STPG2: variants seen among roughly 807,000 people sequenced by gnomAD.
The protein encoded by STPG2 is sperm-tail PG-rich repeat-containing protein 2.
STPG2 carries 56 observed loss-of-function variants against 54.2 expected under a neutral mutation model. The ratio of observed to expected loss-of-function variants is 1.03; its 90% CI spans 0.83 to 1.29. The LOEUF is 1.29. Ranked by LOEUF, STPG2 falls within the 50% of genes most tolerant of loss-of-function variation. The probability of loss-of-function intolerance (pLI) is 0.00; values close to 1 mark genes in which losing one functional copy is unlikely to be tolerated. For missense variants in STPG2, 596 were observed against 544.9 expected (o/e 1.09, Z -0.93); for synonymous variants, 200 against 181.8 (o/e 1.10, Z -0.81).
chr4:98,004,834 G>A (rs1735526055), intron 5 of STPG2, among the ~76,000 whole-genome samples: 1 of 151,840 alleles, frequency 6.6e-6, no homozygotes, highest in Non-Finnish European at 1.5e-5. Context: ...TAAAAATCAG[G>A]TTATTTGTTT....
At chr4:97,938,085 G>C (rs892851698) in intron 8 of STPG2, among the ~76,000 whole-genome samples, 2 of 152,148 alleles carry the variant, frequency 1.3e-5, no homozygotes, top group African/African-American at 4.8e-5. Flanking sequence ...CCCCCGGCTG[G>C]AGTTGCTGGA....
intron 4 of STPG2, among the ~76,000 whole-genome samples, chr4:97,549,585 G>A (rs1731920057): frequency 6.6e-6 from 1 of 152,144 alleles, no homozygotes; most frequent in African/African-American, 2.4e-5. Context: ...TGGAAAAAGG[G>A]TCTTTGCAGG....
rs186929421 is a variant in STPG2 at position 97,529,303 on chromosome 4, G to T, written c.462+183396C>A. Among the ~76,000 whole-genome samples, 634 of 152,280 alleles carry T rather than the reference G, an allele frequency of 4.2e-3. 3 individuals are homozygous for T. Among genetic ancestry groups the T allele is most frequent in the South Asian group, 0.02 (98 of 4,830 alleles). ...TTACATTTATTAATTTGCGTATGTT[G>T]AACCAGCCTTGCATCCCAGGGATGA... On this transcript the variant is annotated intron_variant, in intron 4 of 4. Coordinates refer to the STPG2 transcript ENST00000522676.
In STPG2 at chr4:98,008,609, G is replaced by A. The variant is rs139624085; in HGVS notation, c.613-27291C>T. 3.8e-3 allele frequency among the ~76,000 whole-genome samples: 559 copies of A among 148,146 alleles called. 8 individuals carry two copies. The highest frequency in any genetic ancestry group is 5.3e-3 in the Non-Finnish European group (355 of 66,964). The stretch of plus-strand genomic sequence containing the variant: ...TATAAAACACTAGACAAAGGAGAAA[G>A]ATAAAGAAATAAAATTATAACATGA... On this transcript the variant is annotated intron_variant, in intron 5 of 10. Transcript: ENST00000295268.
chr4:97,601,625 C>T (rs1733464911), intron 10 of STPG2, among the ~76,000 whole-genome samples: 1 of 151,802 alleles, frequency 6.6e-6, no homozygotes. Flanking sequence ...GGAAGGGCTC[C>T]ATGTCCCTGT....
intron 5 of STPG2, among the ~76,000 whole-genome samples, chr4:98,040,062 C>G (rs1736900704): frequency 6.6e-6 from 1 of 151,810 alleles, no homozygotes; most frequent in Admixed American, 6.6e-5. Context: ...ATTTGCATTT[C>G]TCTGATGATT....
At position 97,771,707 on chromosome 4, in the gene STPG2, C is replaced by T. The variant is rs527449206; in HGVS notation, c.1205-58893G>A. Among the ~76,000 whole-genome samples the T allele has an allele frequency of 1.3e-3, 197 of 152,304 alleles. 1 individual carries two copies. Among genetic ancestry groups the T allele is most frequent in the Middle Eastern group, 6.8e-3 (2 of 292 alleles). On this transcript the variant is annotated intron_variant, in intron 9 of 10. Transcript: ENST00000295268. ...AGGGAATGGGGAGCTGGGGCACAGA[C>T]TAATGACAGCTAGTGGGGCTAGACA...
chr4:97,764,775 A>T (rs1725989910), intron 9 of STPG2, among the ~76,000 whole-genome samples: 1 of 152,130 alleles, frequency 6.6e-6, no homozygotes, highest in Non-Finnish European at 1.5e-5. Flanking sequence ...CAAGAGAAAG[A>T]GTATGTTATT....
chr4:98,065,905 C>T (rs1038066876), intron 5 of STPG2, among the ~76,000 whole-genome samples: 14 of 152,104 alleles, frequency 9.2e-5, no homozygotes, highest in African/African-American at 3.4e-4. Flanking sequence ...TCTTGATACA[C>T]CTACCTAGAG....
chr4:97,887,050 C>A (rs533581063), intron 8 of STPG2, among the ~76,000 whole-genome samples: 1 of 152,156 alleles, frequency 6.6e-6, no homozygotes, highest in Non-Finnish European at 1.5e-5. Context: ...GATTCCTGTA[C>A]AGCCTGTGGA....
intron 5 of STPG2, among the ~76,000 whole-genome samples, chr4:98,021,864 T>C (rs182862782): frequency 6.6e-6 from 1 of 152,160 alleles, no homozygotes; most frequent in South Asian, 2.1e-4. Flanking sequence ...GTTTTCCATT[T>C]GCTTGGTAGA....
intron 7 of STPG2, among the ~76,000 whole-genome samples, chr4:97,950,034 C>T (rs976638189): frequency 6.6e-6 from 1 of 152,092 alleles, no homozygotes. Context: ...AAAACCTCCA[C>T]TGCATTTTGT....
In STPG2 at chr4:97,566,242, G is replaced by A. The variant is rs7693052; in HGVS notation, c.1321-7125C>T. Among the ~76,000 whole-genome samples, 151 of 152,242 alleles carry A rather than the reference G, an allele frequency of 9.9e-4. 1 individual carries two copies. Among genetic ancestry groups the A allele is most frequent in the African/African-American group, 3.5e-3 (144 of 41,528 alleles). ...CATGGGCATAGGACCCTCCGAGCCT[G>A]GTGCGGGATATAATCTCCTGGTGCA... On this transcript the variant is annotated intron_variant, in intron 10 of 10. Coordinates refer to ENST00000295268, the MANE Select transcript of STPG2 (RefSeq NM_174952.3).
intron 10 of STPG2, among the ~76,000 whole-genome samples, chr4:97,635,620 G>C (rs925444935): frequency 5.3e-5 from 8 of 152,090 alleles, no homozygotes; most frequent in Non-Finnish European, 1.0e-4. Flanking sequence ...GACACATATA[G>C]GCTCAAAATA....
chr4:97,469,005 G>T (rs889185993), intron 4 of STPG2, among the ~76,000 whole-genome samples: 1 of 151,970 alleles, frequency 6.6e-6, no homozygotes, highest in Non-Finnish European at 1.5e-5. Context: ...AAAGTTTACT[G>T]CCTTCAAAAT....
chr4:97,713,601 T>C (rs1724199012), intron 9 of STPG2, among the ~76,000 whole-genome samples: 1 of 152,180 alleles, frequency 6.6e-6, no homozygotes, highest in African/African-American at 2.4e-5. Context: ...CAAGATCCCT[T>C]GCATGTGCAG....
intron 5 of STPG2, among the ~76,000 whole-genome samples, chr4:98,080,429 A>G (rs1738308358): frequency 1.3e-5 from 2 of 152,218 alleles, no homozygotes; most frequent in East Asian, 1.9e-4. Flanking sequence ...AAGATAACCT[A>G]TTGTTGCTTC....
chr4:97,602,175 T>C (rs554038470), intron 10 of STPG2, among the ~76,000 whole-genome samples: 3 of 152,012 alleles, frequency 2.0e-5, no homozygotes, highest in South Asian at 2.1e-4. Flanking sequence ...GTCAACATCA[T>C]CTTCAAATAA....
intron 10 of STPG2, among the ~76,000 whole-genome samples, chr4:97,650,765 A>T (rs1002140342): frequency 2.0e-5 from 3 of 152,140 alleles, no homozygotes; most frequent in Non-Finnish European, 4.4e-5. Context: ...ATGTTAATAG[A>T]GATTCTTTAC....
Sources: gnomAD v4.1 joint callset for allele counts (sites outside exome capture counted in the v4.1 genomes callset) on GRCh38, gnomAD v4.1.1 for gene constraint, MANE v1.5 for transcripts, NCBI Gene and HGNC (gene_info 2026-07-23, HGNC 2026-07-21) for gene names.